The following MAGEC3 variants were observed in gnomAD, a reference collection of about 807,000 sequenced individuals.
MAGEC3 encodes MAGE family member C3, also known as melanoma-associated antigen C3.
MAGEC3 carries 34 observed loss-of-function variants against 35.3 expected under a neutral mutation model. The observed-to-expected ratio is 0.96, with a 90% CI of 0.73 to 1.28. The LOEUF (loss-of-function observed/expected upper bound fraction) is 1.28, where lower values mean the gene tolerates loss of function less well. MAGEC3 is among the 50% of genes most tolerant of loss of function. The probability of loss-of-function intolerance (pLI) is 0.00; values close to 1 mark genes in which losing one functional copy is unlikely to be tolerated. For missense variants in MAGEC3, 561 were observed against 483.6 expected (o/e 1.16, Z -1.50); for synonymous variants, 202 against 185.6 (o/e 1.09, Z -0.72).
intron 2 of MAGEC3, among the ~76,000 whole-genome samples, chrX:141,866,835 A>G (rs910643861): frequency 4.5e-5 from 5 of 112,161 alleles, no homozygotes; most frequent in Middle Eastern, 4.7e-3. Context: ...CTGACCAAAT[A>G]CTACTTCTGT....
intron 2 of MAGEC3, among the ~76,000 whole-genome samples, chrX:141,874,971 C>G (rs939800043): frequency 3.6e-5 from 4 of 111,567 alleles, no homozygotes; most frequent in Non-Finnish European, 7.5e-5. Flanking sequence ...AGATGTAAGA[C>G]TCTATATTTG....
intron 6 of MAGEC3, chrX:141,896,505 G>C: frequency 6.7e-6 from 8 of 1,187,231 alleles, no homozygotes; most frequent in Non-Finnish European, 9.0e-6. Flanking sequence ...GAGAAGAAGA[G>C]CTGTAAGCCA....
At chrX:141,853,564 A>G (rs1031051899) in intron 1 of MAGEC3, among the ~76,000 whole-genome samples, 4 of 111,860 alleles carry the variant, frequency 3.6e-5, no homozygotes, top group African/African-American at 6.5e-5. Context: ...AGAAAATTAT[A>G]TTTTTCTGCT....
intron 4 of MAGEC3, among the ~76,000 whole-genome samples, chrX:141,890,513 T>C (rs5908065): frequency 0.06 from 6,706 of 111,619 alleles, 224 homozygotes; most frequent in Non-Finnish European, 0.095. Flanking sequence ...CTGGCCTATA[T>C]TGATTGTTAA....
chrX:141,838,795 C>T (rs921096009), intron 1 of MAGEC3: 20 of 751,750 alleles, frequency 2.7e-5, no homozygotes, highest in Non-Finnish European at 2.5e-5. Flanking sequence ...CACCTCTGCA[C>T]CAGATGCTGT....
chrX:141,838,951 C>T (rs1216258251), intron 1 of MAGEC3: 2 of 588,640 alleles, frequency 3.4e-6, no homozygotes, highest in African/African-American at 2.5e-5. Flanking sequence ...CTGCTTAAGT[C>T]TCAAGAAGTG....
chrX:141,896,463 G>A (rs2018095510), intron 6 of MAGEC3: 3 of 1,160,035 alleles, frequency 2.6e-6, no homozygotes, highest in Non-Finnish European at 3.4e-6. Context: ...AGGAAGACAG[G>A]CGACCTGTGA....
In MAGEC3 at chrX:141,866,780, G is replaced by A. The variant is rs1283836430; in HGVS notation, c.258+1175G>A. On this transcript the variant is annotated intron_variant, in intron 2 of 7. Coordinates refer to ENST00000298296, the MANE Select transcript of MAGEC3 (RefSeq NM_138702.1). ...ATCTATATGCTGCAATGAAAATGAA[G>A]CTCAAATAAGGCTTACCTTCAAAAT... is the stretch of plus-strand genomic sequence containing the variant. Among the ~76,000 whole-genome samples the A allele has an allele frequency of 5.3e-5, 6 of 112,339 alleles. No homozygotes were observed. The Admixed American group carries it at 5.6e-4, about 11-fold the overall frequency.
intron 1 of MAGEC3, among the ~76,000 whole-genome samples, chrX:141,841,797 A>G (rs1284802511): frequency 9.0e-6 from 1 of 111,096 alleles, no homozygotes; most frequent in African/African-American, 3.3e-5. Context: ...TTTTCAGTCT[A>G]TTTTGCTAAC....
chrX:141,853,353 T>G (rs977469787), intron 1 of MAGEC3, among the ~76,000 whole-genome samples: 1 of 111,373 alleles, frequency 9.0e-6, no homozygotes, highest in Non-Finnish European at 1.9e-5. Flanking sequence ...TGCTTTGAAG[T>G]AAATGTCTAC....
intron 6 of MAGEC3, 62 bp downstream of exon 6, chrX:141,895,621 C>A: frequency 9.5e-7 from 1 of 1,055,288 alleles, no homozygotes. Context: ...ACCCCCACCT[C>A]AGAGGACAGC....
At chrX:141,854,527 A>G (rs1177120124) in intron 1 of MAGEC3, among the ~76,000 whole-genome samples, 1 of 111,010 alleles carries the variant, frequency 9.0e-6, no homozygotes, top group Non-Finnish European at 1.9e-5. Flanking sequence ...CATGGTAATG[A>G]ATAAGTCTCA....
chrX:141,896,639 G>C, intron 6 of MAGEC3: 1 of 1,203,580 alleles, frequency 8.3e-7, no homozygotes. Flanking sequence ...TGCTGCTCCT[G>C]AACAACAGGC....
intron 4 of MAGEC3, among the ~76,000 whole-genome samples, chrX:141,892,980 C>T (rs888370785): frequency 3.6e-5 from 4 of 112,075 alleles, no homozygotes; most frequent in Admixed American, 9.5e-5. Flanking sequence ...ATGCACAAAA[C>T]GCTGAAAACC....
At chrX:141,847,004 C>T (rs1234045538) in intron 1 of MAGEC3, among the ~76,000 whole-genome samples, 1 of 110,674 alleles carries the variant, frequency 9.0e-6, no homozygotes, top group South Asian at 3.7e-4. Context: ...AAGCAATTAC[C>T]CCAGTGCATT....
chrX:141,865,021 T>C (rs1156269176), intron 1 of MAGEC3, among the ~76,000 whole-genome samples: 1 of 112,135 alleles, frequency 8.9e-6, no homozygotes, highest in Non-Finnish European at 1.9e-5. Context: ...TTAACATTTG[T>C]ATGTCAATTT....
intron 2 of MAGEC3, among the ~76,000 whole-genome samples, chrX:141,873,845 C>A (rs1012126095): frequency 9.0e-6 from 1 of 111,426 alleles, no homozygotes; most frequent in Admixed American, 9.5e-5. Flanking sequence ...TTGTGGATAC[C>A]AACAAACTTA....
At chrX:141,841,072 C>T (rs1380457329) in intron 1 of MAGEC3, among the ~76,000 whole-genome samples, 3 of 111,070 alleles carry the variant, frequency 2.7e-5, no homozygotes, top group Non-Finnish European at 5.7e-5. Context: ...CTTCTCACTT[C>T]TTTTCTTCTT....
intron 2 of MAGEC3, among the ~76,000 whole-genome samples, chrX:141,868,645 A>T (rs770311365): frequency 1.1e-4 from 12 of 110,215 alleles, no homozygotes; most frequent in African/African-American, 3.6e-4. Context: ...CTAGCCATGG[A>T]TTTGTACCAT....
Sources: gnomAD v4.1 joint callset for allele counts (sites outside exome capture counted in the v4.1 genomes callset) on GRCh38, gnomAD v4.1.1 for gene constraint, MANE v1.5 for transcripts, NCBI Gene and HGNC (gene_info 2026-07-23, HGNC 2026-07-21) for gene names.